C11orf65: variants seen among roughly 807,000 people sequenced by gnomAD.
C11orf65 encodes the protein chromosome 11 open reading frame 65.
C11orf65 carries 38 observed loss-of-function variants against 35.3 expected under a neutral mutation model. The ratio of observed to expected loss-of-function variants is 1.08; its 90% CI spans 0.83 to 1.41. The LOEUF (loss-of-function observed/expected upper bound fraction) is 1.41, where lower values mean the gene tolerates loss of function less well. C11orf65 is among the 40% of genes most tolerant of loss of function. The pLI is 0.00. For missense variants in C11orf65, 370 were observed against 367.1 expected (o/e 1.01, Z -0.06); for synonymous variants, 105 against 114.4 (o/e 0.92, Z 0.53).
At chr11:108,327,546 A>T, downstream of C11orf65, 1 of 984,774 alleles carries the variant, frequency 1.0e-6, no homozygotes, top group Non-Finnish European at 1.6e-6. Flanking sequence ...CCCACCAAGG[A>T]AAAACATTTT....
At chr11:108,425,804 C>A (rs2092893554) in intron 3 of C11orf65, among the ~76,000 whole-genome samples, 1 of 152,148 alleles carries the variant, frequency 6.6e-6, no homozygotes, top group Non-Finnish European at 1.5e-5. Flanking sequence ...CCACCACGAT[C>A]AAGTCGGCTT....
At chr11:108,455,419 T>C (rs756992979) in intron 2 of C11orf65, among the ~76,000 whole-genome samples, 1 of 152,088 alleles carries the variant, frequency 6.6e-6, no homozygotes, top group Admixed American at 6.6e-5. Flanking sequence ...CATACAAAAA[T>C]CAATGGTGTT....
chr11:108,400,532 G>A (rs547785361), intron 6 of C11orf65, among the ~76,000 whole-genome samples: 1 of 152,182 alleles, frequency 6.6e-6, no homozygotes, highest in Non-Finnish European at 1.5e-5. Flanking sequence ...GGTTCTTTCT[G>A]TGAAAATACA....
intron 6 of C11orf65, among the ~76,000 whole-genome samples, chr11:108,400,304 A>G (rs1356445162): frequency 6.6e-6 from 1 of 152,200 alleles, no homozygotes; most frequent in African/African-American, 2.4e-5. Flanking sequence ...TATATGCCAG[A>G]TCCTTAACTT....
chr11:108,332,862 T>G lies in C11orf65; in HGVS notation c.300-1295A>C. On this transcript the variant is annotated intron_variant, in intron 3 of 3. Transcript: ENST00000524755. ...GCACTTTGTGATGCTTATATTATAT[T>G]AGCAAACTTAGATGCCACTCAGTGG... is the stretch of plus-strand genomic sequence containing the variant. 6.2e-7 allele frequency: 1 copy of G among 1,612,770 alleles called. No individual in the cohort carries two copies. The highest frequency in any genetic ancestry group is 8.5e-7 in the Non-Finnish European group (1 of 1,179,262).
chr11:108,468,078 C>A (rs920340165), upstream of C11orf65, among the ~76,000 whole-genome samples: 1 of 152,138 alleles, frequency 6.6e-6, no homozygotes, highest in East Asian at 1.9e-4. Flanking sequence ...GCGATCCCCC[C>A]CTACCCCATC....
upstream of C11orf65, among the ~76,000 whole-genome samples, chr11:108,468,822 G>A (rs1352251322): frequency 1.3e-5 from 2 of 152,000 alleles, no homozygotes; most frequent in Non-Finnish European, 1.5e-5. Flanking sequence ...TTTAAATTCA[G>A]GCCAGGTGTG....
chr11:108,401,305 G>T (rs1232355833), intron 6 of C11orf65, among the ~76,000 whole-genome samples: 1 of 148,714 alleles, frequency 6.7e-6, no homozygotes, highest in African/African-American at 2.5e-5. Flanking sequence ...TAATGGAACA[G>T]AAATTAAAAA....
intron 2 of C11orf65, among the ~76,000 whole-genome samples, chr11:108,357,429 G>A (rs1438003977): frequency 6.6e-6 from 1 of 152,228 alleles, no homozygotes; most frequent in Non-Finnish European, 1.5e-5. Context: ...AGCTCGAACT[G>A]GGTGGAACCC....
chr11:108,427,993 G>A (rs2092931611), intron 3 of C11orf65, among the ~76,000 whole-genome samples: 1 of 84,234 alleles, frequency 1.2e-5, no homozygotes, highest in South Asian at 5.9e-4. Context: ...ACTACGACCG[G>A]CTAATTTTTT....
chr11:108,387,403 C>T (rs2092037219), intron 7 of C11orf65, among the ~76,000 whole-genome samples: 3 of 151,912 alleles, frequency 2.0e-5, no homozygotes, highest in African/African-American at 7.3e-5. Flanking sequence ...GATCCACCCA[C>T]CTCGGCCTCC....
chr11:108,316,191 C>A, intron 6 of C11orf65: 1 of 1,290,688 alleles, frequency 7.7e-7, no homozygotes, highest in Non-Finnish European at 1.1e-6. Flanking sequence ...TGGATATTTA[C>A]ACAGCCAGAT....
At chr11:108,426,940 G>T (rs1476306695) in intron 3 of C11orf65, among the ~76,000 whole-genome samples, 1 of 152,150 alleles carries the variant, frequency 6.6e-6, no homozygotes, top group Non-Finnish European at 1.5e-5. Flanking sequence ...ATGGGGAAAA[G>T]ATTTCCTATT....
chr11:108,321,664 T>C (rs1307253248), intron 6 of C11orf65, among the ~76,000 whole-genome samples: 5 of 151,812 alleles, frequency 3.3e-5, no homozygotes, highest in Non-Finnish European at 5.9e-5. Context: ...GCGCCTGTAA[T>C]CTCAGCTATT....
chr11:108,394,129 G>A (rs1194859445), intron 6 of C11orf65, among the ~76,000 whole-genome samples: 1 of 137,324 alleles, frequency 7.3e-6, no homozygotes, highest in Non-Finnish European at 1.5e-5. Context: ...GCAGCGAGCC[G>A]AGATCATGAA....
rs539688111 is a variant in C11orf65 at position 108,433,230 on chromosome 11, T to TA, written c.82-1393dup. 2.7e-4 allele frequency among the ~76,000 whole-genome samples: 40 copies of TA among 148,398 alleles called. 1 individual carries two copies. The highest frequency in any genetic ancestry group is 1.8e-3 in the East Asian group (9 of 5,108). The stretch of plus-strand genomic sequence containing the variant: ...CCAGCACTTTGGAGGGGCGAGGCAT[T>TA]AAAAAAAAATTTATATATATATATC... On this transcript the variant is annotated intron_variant, in intron 2 of 8. Coordinates refer to ENST00000393084, the MANE Select transcript of C11orf65 (RefSeq NM_152587.5).
At chr11:108,357,773 T>C (rs1040172269) in intron 2 of C11orf65, among the ~76,000 whole-genome samples, 16 of 151,998 alleles carry the variant, frequency 1.1e-4, no homozygotes, top group Admixed American at 5.2e-4. Context: ...AGAAAGGATA[T>C]CCACACCAAA....
Position 108,372,298 on chromosome 11 carries a change from A to G in C11orf65, c.226+20910T>C, listed in dbSNP as rs144795327. 8.0e-3 allele frequency among the ~76,000 whole-genome samples: 1,215 copies of G among 152,240 alleles called. 9 individuals carry two copies. The highest frequency in any genetic ancestry group is 0.025 in the African/African-American group (1,040 of 41,544). On this transcript the variant is annotated intron_variant, in intron 2 of 3. Coordinates refer to the C11orf65 transcript ENST00000524755. The stretch of plus-strand genomic sequence containing the variant: ...AACCTCTGCCTCCCAGGTTCAAGCG[A>G]TTCCCCTGCCTCAGCCTCCCAAGTA...
In C11orf65 at chr11:108,368,580, C is replaced by T. The variant is rs3092844; in HGVS notation, c.226+24628G>A. 9,560 of 218,244 alleles carry T rather than the reference C, an allele frequency of 0.044. 874 individuals carry two copies. Among genetic ancestry groups the T allele is most frequent in the African/African-American group, 0.19 (8,655 of 44,554 alleles). The allele number at this position is 218,244 out of a possible 1,614,324, so 13.5% of individuals were successfully genotyped here. A position where few individuals can be genotyped will look rare whatever the true frequency, so the allele number is the denominator to read the frequency against. On this transcript the variant is annotated intron_variant, in intron 2 of 3. Transcript: ENST00000524755. Reference sequence around the variant, plus strand: ...AGTACAAGTGTAATATGGACAGTATCTAACTTGAAAAGATTTCAGGCGAAA... The same window carrying T: ...AGTACAAGTGTAATATGGACAGTATTTAACTTGAAAAGATTTCAGGCGAAA...
Sources: allele counts gnomAD v4.1 joint callset (sites outside exome capture counted in the v4.1 genomes callset), GRCh38; gene constraint gnomAD v4.1.1; transcripts MANE v1.5; gene names NCBI Gene and HGNC (gene_info 2026-07-23, HGNC 2026-07-21).